The following ABCC4 variants were observed in gnomAD, a reference collection of about 807,000 sequenced individuals.
ABCC4 encodes the protein ATP-binding cassette sub-family C member 4.
In ABCC4, 102 loss-of-function variants were observed where a neutral mutation model predicts 168.5. That is an observed-to-expected ratio of 0.61 (90% confidence interval 0.52 to 0.71). ABCC4 has a LOEUF of 0.71. Ranked by LOEUF, ABCC4 falls within the 30% of genes least tolerant of loss-of-function variation. The probability of loss-of-function intolerance (pLI) is 0.00; values close to 1 mark genes in which losing one functional copy is unlikely to be tolerated. For missense variants in ABCC4, 1,402 were observed against 1,605.8 expected, an observed-to-expected ratio of 0.87 and a Z score of 2.17; for synonymous variants, 617 against 590.7, an observed-to-expected ratio of 1.04 and a Z score of -0.65.
intron 9 of ABCC4, among the ~76,000 whole-genome samples, chr13:95,189,611 T>C (rs1360760857): frequency 1.3e-5 from 2 of 152,236 alleles, no homozygotes; most frequent in African/African-American, 2.4e-5. Flanking sequence ...TGATAAAGCA[T>C]GAACCTCAGT....
At chr13:95,065,519 A>T (rs1470465273) in intron 25 of ABCC4, among the ~76,000 whole-genome samples, 1 of 152,232 alleles carries the variant, frequency 6.6e-6, no homozygotes, top group Non-Finnish European at 1.5e-5. Context: ...TTACTTCAGT[A>T]GCTACATAAT....
intron 20 of ABCC4, 90 bp downstream of exon 20, chr13:95,115,832 G>A: frequency 2.0e-6 from 2 of 1,018,350 alleles, no homozygotes; most frequent in Non-Finnish European, 1.5e-6. Flanking sequence ...GCCAGGCCGA[G>A]AGTCCCACCC....
rs1392543206 is a variant in ABCC4, at chr13:95,021,610, G to A, written c.3943C>T (p.Pro1315Ser). Residue 1315 changes from proline to serine, a missense_variant, in exon 31 of 31, where the codon CCC (proline) becomes TCC (serine). By Grantham distance (74) the Pro-to-Ser change is moderately conservative. Transcript: ENST00000645237. ...GTCTCGAAAATAGTTAAGGTCGAGG[G>A]CTGTCCATTGGAAGTGTTTGTAACC... The part of the protein sequence containing the change: ...HMVTNTSNGQ[P>S]STLTIFETAL 6.2e-7 allele frequency: 1 copy of A among 1,613,042 alleles called. No individual in the cohort carries two copies. Among genetic ancestry groups the A allele is most frequent in the Non-Finnish European group, 8.5e-7 (1 of 1,179,048 alleles).
At chr13:95,074,702 T>G (rs1189467) in intron 22 of ABCC4, among the ~76,000 whole-genome samples, 1 of 152,216 alleles carries the variant, frequency 6.6e-6, no homozygotes, top group South Asian at 2.1e-4. Context: ...GCAGCTCCCA[T>G]TTTACTTCTC....
At chr13:95,178,123 A>G (rs770688887) in intron 11 of ABCC4, 32 bp from the exon 12 acceptor site, 1 of 1,581,834 alleles carries the variant, frequency 6.3e-7, no homozygotes, top group Non-Finnish European at 8.7e-7. Context: ...GGGGGGAAAA[A>G]GAGACTTAAA....
At position 95,178,000 on chromosome 13, in the gene ABCC4, G is replaced by A. The variant is rs1305725872; in HGVS notation, c.1637C>T (p.Ala546Val). ...TGGCTGCTGAAATGCAACTTACCTT[G>A]CAAGGTTTACCCGTGCTTTCTGCCC... ...SGGQKARVNL[A>V]RAVYQDADIY... Residue 546 changes from alanine (A) to valine (V), a missense_variant, in exon 12 of 31, where the codon GCA becomes GTA. By Grantham distance (64) the Ala-to-Val change is moderately conservative. Around this residue, in one of 3 missense-constraint regions of ABCC4, gnomAD observed 1,007 missense variants for 1,127.3 expected, o/e 0.89. Coordinates refer to ENST00000645237, the MANE Select transcript of ABCC4 (RefSeq NM_005845.5). The A allele has an allele frequency of 1.2e-6, 2 of 1,614,140 alleles. No homozygotes were observed. The highest frequency in any genetic ancestry group is 1.1e-5 in the South Asian group (1 of 91,066).
At position 95,209,550 on chromosome 13, in the gene ABCC4, A is replaced by G. The variant is rs899494; in HGVS notation, c.669T>C (p.Ile223=). 1,371,091 of 1,613,874 alleles carry G rather than the reference A, an allele frequency of 0.85. 583,998 individuals carry two copies. The highest frequency in any genetic ancestry group is 0.87 in the Admixed American group (52,284 of 60,004). ...HFLWAGPLQA[I]AVTALLWMEI... ...CCATCCAGAGTAGGGCAGTCACTGCAATCGCCTGCAGTGGTCCTGCCCACA... is the reference window on the plus strand; with the variant it reads ...CCATCCAGAGTAGGGCAGTCACTGCGATCGCCTGCAGTGGTCCTGCCCACA... Residue 223 remains isoleucine (I), a synonymous_variant, in exon 6 of 31, where the codon ATT becomes ATC. Coordinates refer to ENST00000645237, the MANE Select transcript of ABCC4 (RefSeq NM_005845.5).
At chr13:95,175,029 C>T (rs2037620007) in intron 13 of ABCC4, among the ~76,000 whole-genome samples, 1 of 152,196 alleles carries the variant, frequency 6.6e-6, no homozygotes, top group Admixed American at 6.5e-5. Flanking sequence ...CACCATCATA[C>T]ACATCCACTT....
chr13:95,045,183 GA>G (rs2032525413), intron 27 of ABCC4, among the ~76,000 whole-genome samples: 1 of 152,188 alleles, frequency 6.6e-6, no homozygotes, highest in Admixed American at 6.5e-5. Context: ...AGAGTCTGAA[GA>G]AAAGGTGAAA....
At chr13:95,126,217 C>G (rs2035755420) in intron 19 of ABCC4, among the ~76,000 whole-genome samples, 1 of 152,090 alleles carries the variant, frequency 6.6e-6, no homozygotes, top group Non-Finnish European at 1.5e-5. Flanking sequence ...CGGCTAAATG[C>G]TCATGGAATA....
chr13:95,241,242 G>T (rs1241969396), intron 3 of ABCC4, among the ~76,000 whole-genome samples: 1 of 151,562 alleles, frequency 6.6e-6, no homozygotes, highest in African/African-American at 2.4e-5. Context: ...GCGCACACCT[G>T]TAGTCCCAGC....
At chr13:95,287,706 T>C (rs55750671) in intron 1 of ABCC4, among the ~76,000 whole-genome samples, 14,072 of 151,818 alleles carry the variant, frequency 0.093, 1,417 homozygotes, top group African/African-American at 0.25. Context: ...TGCCTGTGAA[T>C]AGCCACTACA....
chr13:95,172,339 T>C (rs899112801), intron 13 of ABCC4, among the ~76,000 whole-genome samples: 1 of 152,156 alleles, frequency 6.6e-6, no homozygotes, highest in Non-Finnish European at 1.5e-5. Context: ...TCCAGCACTT[T>C]GGAAGGCTGA....
intron 24 of ABCC4, 96 bp downstream of exon 24, chr13:95,073,107 TA>T: frequency 1.0e-6 from 1 of 955,268 alleles, no homozygotes; most frequent in Non-Finnish European, 1.5e-6. Flanking sequence ...ACCAAAGATG[TA>T]AAAATAACAG....
chr13:95,262,927 G>A (rs1017574153), intron 1 of ABCC4, among the ~76,000 whole-genome samples: 1 of 152,144 alleles, frequency 6.6e-6, no homozygotes, highest in East Asian at 1.9e-4. Context: ...GAGCTACCAC[G>A]CCCAGCTGAC....
At chr13:95,208,840 A>G (rs2013713) in intron 6 of ABCC4, among the ~76,000 whole-genome samples, 98,665 of 151,644 alleles carry the variant, frequency 0.65, 32,220 homozygotes, top group African/African-American at 0.69. Context: ...GGCAGGTCTC[A>G]AACTCCTGGC....
chr13:95,245,907 G>A (rs1352227583), intron 3 of ABCC4, among the ~76,000 whole-genome samples: 2 of 88,572 alleles, frequency 2.3e-5, no homozygotes, highest in African/African-American at 4.4e-5. Flanking sequence ...CCAACAAAAT[G>A]CACCGTGACA....
intron 1 of ABCC4, among the ~76,000 whole-genome samples, chr13:95,270,399 G>A (rs61972745): frequency 4.0e-5 from 6 of 151,352 alleles, no homozygotes; most frequent in South Asian, 2.1e-4. Context: ...AAAGGTGGGC[G>A]TAATAGTGAC....
chr13:95,186,659 A>G, intron 11 of ABCC4, 42 bp downstream of exon 11: 1 of 1,567,514 alleles, frequency 6.4e-7, no homozygotes, highest in African/African-American at 1.4e-5. Flanking sequence ...CACTAGTATT[A>G]CTGGACATTC....
Sources: gnomAD v4.1 joint callset for allele counts (sites outside exome capture counted in the v4.1 genomes callset) on GRCh38, gnomAD v4.1.1 for gene constraint, gnomAD v4.1.1 regional missense constraint, MANE v1.5 for transcripts, NCBI Gene and HGNC (gene_info 2026-07-23, HGNC 2026-07-21) for gene names.